MPHOSPH10: variants seen among roughly 807,000 people sequenced by gnomAD.
MPHOSPH10 encodes the protein U3 small nucleolar ribonucleoprotein MPP10.
MPHOSPH10 carries 33 observed loss-of-function variants against 77.3 expected under a neutral mutation model. The observed-to-expected ratio is 0.43, with a 90% confidence interval of 0.32 to 0.57. The LOEUF is 0.57. Ranked by LOEUF, MPHOSPH10 falls within the 20% of genes least tolerant of loss-of-function variation. The pLI is 0.07. For synonymous variants in MPHOSPH10, 245 were observed against 268.0 expected, an observed-to-expected ratio of 0.91 and a Z score of 0.84; for missense variants, 708 against 780.1, an observed-to-expected ratio of 0.91 and a Z score of 1.10.
At position 71,133,356 on chromosome 2, in the gene MPHOSPH10, A is replaced by G; in HGVS notation, c.548A>G (p.Gln183Arg). 1 of 1,614,188 alleles carries G rather than the reference A, an allele frequency of 6.2e-7. No individual in the cohort carries two copies. The highest frequency in any genetic ancestry group is 1.3e-5 in the African/African-American group (1 of 75,054). ...LDFDISKLEQQSKVQNKGQGK... is the reference protein window; with the variant it reads ...LDFDISKLEQRSKVQNKGQGK... ...TTTGATATCAGCAAATTGGAACAGC[A>G]GAGCAAGGTGCAAAACAAAGGACAG... Residue 183 changes from glutamine to arginine, a missense_variant, in exon 2 of 11, where the codon CAG (glutamine) becomes CGG (arginine). This residue lies in a region of MPHOSPH10 where 433 missense variants were observed against 432.6 expected (regional missense o/e 1.00). Transcript: ENST00000244230.
At chr2:71,147,390 A>G (rs966611047) in intron 8 of MPHOSPH10, among the ~76,000 whole-genome samples, 10 of 152,096 alleles carry the variant, frequency 6.6e-5, no homozygotes, top group Non-Finnish European at 1.0e-4. Flanking sequence ...AAATGTAGAA[A>G]ACGCCGGGTG....
intron 7 of MPHOSPH10, 86 bp downstream of exon 7, chr2:71,141,455 A>G: frequency 8.5e-7 from 1 of 1,173,240 alleles, no homozygotes; most frequent in Non-Finnish European, 1.1e-6. Flanking sequence ...AAATCGTGAA[A>G]CAGAAATCTT....
chr2:71,146,034 A>G (rs1190346095), intron 8 of MPHOSPH10, among the ~76,000 whole-genome samples: 1 of 152,018 alleles, frequency 6.6e-6, no homozygotes, highest in Non-Finnish European at 1.5e-5. Flanking sequence ...CTAGTTGTTC[A>G]TTGCTCTCTA....
chr2:71,142,229 A>G (rs1476678216), intron 7 of MPHOSPH10, among the ~76,000 whole-genome samples: 1 of 152,212 alleles, frequency 6.6e-6, no homozygotes, highest in East Asian at 1.9e-4. Context: ...TTTGTTAATG[A>G]ATGCCCCTCA....
rs146238687 is a variant in MPHOSPH10 at position 71,133,509 on chromosome 2, T to A, written c.701T>A (p.Ile234Asn). Residue 234 changes from isoleucine (I) to asparagine (N), a missense_variant, in exon 2 of 11, where the codon ATT (isoleucine) becomes AAT (asparagine). Ile to Asn is a moderately radical substitution (Grantham distance 149). Transcript: ENST00000244230. ...KDDNDEEEED[I>N]DFFEDIDSDE... is the part of the protein sequence containing the mutation. ...GATAATGATGAGGAGGAGGAAGATATTGATTTTTTTGAAGATATTGATTCT... is the reference window on the plus strand; with the variant it reads ...GATAATGATGAGGAGGAGGAAGATAATGATTTTTTTGAAGATATTGATTCT... 5.6e-6 allele frequency: 9 copies of A among 1,611,748 alleles called. No homozygotes were observed. The highest frequency in any genetic ancestry group is 7.6e-6 in the Non-Finnish European group (9 of 1,179,166).
intron 8 of MPHOSPH10, among the ~76,000 whole-genome samples, chr2:71,147,489 C>T (rs377342228): frequency 1.3e-5 from 2 of 151,954 alleles, no homozygotes; most frequent in East Asian, 1.9e-4. Context: ...CTGGCTAACA[C>T]GGTGAAACCC....
chr2:71,145,911 T>C (rs1673697256), intron 8 of MPHOSPH10, among the ~76,000 whole-genome samples: 1 of 152,198 alleles, frequency 6.6e-6, no homozygotes, highest in South Asian at 2.1e-4. Flanking sequence ...TTTCCCTCCT[T>C]GCAGATGTTC....
At chr2:71,146,258 T>C (rs1413866389) in intron 8 of MPHOSPH10, among the ~76,000 whole-genome samples, 2 of 152,194 alleles carry the variant, frequency 1.3e-5, no homozygotes, top group Non-Finnish European at 2.9e-5. Flanking sequence ...TGATATTACT[T>C]TTTTCATGTT....
chr2:71,144,858 C>T (rs1413993092), intron 8 of MPHOSPH10, among the ~76,000 whole-genome samples: 1 of 152,218 alleles, frequency 6.6e-6, no homozygotes, highest in Non-Finnish European at 1.5e-5. Context: ...TCCCTACCCT[C>T]TCAGTCTTCT....
At chr2:71,133,805 TTAG>T in intron 2 of MPHOSPH10, 140 bp from the exon 3 acceptor site, 1 of 828,746 alleles carries the variant, frequency 1.2e-6, no homozygotes, top group Non-Finnish European at 1.8e-6. Flanking sequence ...TATTTAGTTA[TTAG>T]TTTGGTTATT....
intron 6 of MPHOSPH10, among the ~76,000 whole-genome samples, chr2:71,140,906 G>C (rs1243529834): frequency 1.3e-5 from 2 of 152,128 alleles, no homozygotes; most frequent in African/African-American, 4.8e-5. Flanking sequence ...TGGAATTAAA[G>C]TTGGTAACCA....
intron 4 of MPHOSPH10, among the ~76,000 whole-genome samples, chr2:71,136,141 G>A (rs1673485250): frequency 6.6e-6 from 1 of 152,160 alleles, no homozygotes; most frequent in African/African-American, 2.4e-5. Context: ...TCAGACAAGT[G>A]AAATTTCATT....
chr2:71,142,031 CA>C (rs1166123821), intron 7 of MPHOSPH10, among the ~76,000 whole-genome samples: 1 of 137,178 alleles, frequency 7.3e-6, no homozygotes, highest in Non-Finnish European at 1.6e-5. Flanking sequence ...GACTCCATCT[CA>C]AAAAAAGAAA....
intron 9 of MPHOSPH10, 168 bp downstream of exon 9, chr2:71,148,274 G>A: frequency 1.7e-6 from 1 of 579,994 alleles, no homozygotes; most frequent in African/African-American, 1.9e-5. Flanking sequence ...TCAAATACCA[G>A]TCTCCTATAT....
chr2:71,138,472 A>G lies in MPHOSPH10; in HGVS notation c.1099-18A>G, dbSNP rs1208797134. The stretch of plus-strand genomic sequence containing the variant: ...TTTATTTTCTAAATGTATACTAGTT[A>G]TTTTATCTCTTTCTTAGATGAATGA... On this transcript the variant is annotated intron_variant, in intron 4 of 10. Coordinates refer to ENST00000244230, the MANE Select transcript of MPHOSPH10 (RefSeq NM_005791.3). The G allele has an allele frequency of 1.3e-6, 2 of 1,525,874 alleles. No homozygotes were observed. Among genetic ancestry groups the G allele is most frequent in the Non-Finnish European group, 1.8e-6 (2 of 1,130,328 alleles). The allele number at this position is 1,525,874 out of a possible 1,614,324, so 94.5% of individuals were successfully genotyped here.
At chr2:71,137,169 AT>A (rs962555575) in intron 4 of MPHOSPH10, among the ~76,000 whole-genome samples, 127 of 150,274 alleles carry the variant, frequency 8.5e-4, no homozygotes, top group African/African-American at 2.9e-3. Flanking sequence ...TTCATTTCTA[AT>A]TTTTTTTTTC....
chr2:71,141,430 T>C (rs1280789616), intron 7 of MPHOSPH10, 61 bp downstream of exon 7: 18 of 1,309,676 alleles, frequency 1.4e-5, no homozygotes, highest in South Asian at 2.1e-5. Flanking sequence ...AGAACTAGGC[T>C]TTTTGTGACT....
At chr2:71,138,693 A>G in intron 5 of MPHOSPH10, 62 bp downstream of exon 5, 1 of 1,604,336 alleles carries the variant, frequency 6.2e-7, no homozygotes, top group South Asian at 1.1e-5. Flanking sequence ...ATTTCATACA[A>G]AGATTTGGGG....
chr2:71,138,661 T>C, intron 5 of MPHOSPH10, 30 bp downstream of exon 5: 1 of 1,613,836 alleles, frequency 6.2e-7, no homozygotes, highest in Non-Finnish European at 8.5e-7. Context: ...AGTTTTCATG[T>C]CTGTGCTTTT....
Sources: gnomAD v4.1 joint callset for allele counts (sites outside exome capture counted in the v4.1 genomes callset) on GRCh38, gnomAD v4.1.1 for gene constraint, gnomAD v4.1.1 regional missense constraint, MANE v1.5 for transcripts, NCBI Gene and HGNC (gene_info 2026-07-23, HGNC 2026-07-21) for gene names.